Variants in REV3L observed in about 807,000 individuals in gnomAD.
The protein encoded by REV3L is DNA polymerase zeta catalytic subunit.
A neutral mutation model predicts 299.4 loss-of-function variants in REV3L; 69 were observed. That is an observed-to-expected ratio of 0.23 (90% confidence interval 0.19 to 0.28). The LOEUF is 0.28. Among genes scored for constraint, REV3L ranks in the 10% least tolerant of loss-of-function variants. The pLI, the probability that REV3L is intolerant of heterozygous loss-of-function variation, is 1.00. For synonymous variants in REV3L, 1,238 were observed against 1,271.4 expected (o/e 0.97, Z 0.56); for missense variants, 3,128 against 3,693.8 (o/e 0.85, Z 3.97).
rs1793948011 is a variant in REV3L at position 111,482,947 on chromosome 6, GGCGGCGGCTCCCTCCGCA to G, written c.-77_-60del. On this transcript the variant is annotated 5_prime_UTR_variant, in exon 1 of 32. Transcript: ENST00000368802. ...GCGACCCGGCAGCGGCAGCAGCAGC[GGCGGCGGCTCCCTCCGCA>G]GCGGCGGCGGCGCCCCCTCCCCTTC... The G allele has an allele frequency of 9.6e-6, 14 of 1,456,018 alleles. No individual in the cohort carries two copies. The highest frequency in any genetic ancestry group is 1.3e-5 in the Non-Finnish European group (14 of 1,111,434). 90.2% of individuals were successfully genotyped at this position (1,456,018 alleles called of 1,614,324 possible). A position where few individuals can be genotyped will look rare whatever the true frequency, so the allele number is the denominator to read the frequency against.
At chr6:111,370,353 T>C (rs1271291768) in intron 13 of REV3L, among the ~76,000 whole-genome samples, 1 of 152,128 alleles carries the variant, frequency 6.6e-6, no homozygotes, top group Non-Finnish European at 1.5e-5. Context: ...GCTCCAGCAG[T>C]GAAATAAAGA....
intron 1 of REV3L, among the ~76,000 whole-genome samples, chr6:111,433,041 C>T (rs749824579): frequency 2.4e-4 from 37 of 151,934 alleles, no homozygotes; most frequent in Non-Finnish European, 4.9e-4. Context: ...TGGGATACAG[C>T]AAAAGTGGTA....
Position 111,376,193 on chromosome 6 carries a change from G to A in REV3L, c.2162C>T (p.Ser721Phe). ...DLNHSKNKVS[S>F]EGNEKGNSTA... Reference sequence around the variant, plus strand: ...GCTGTTTCCTTTTTCATTTCCTTCAGAGGATACTTTATTTTTTGAATGATT... The same window carrying A: ...GCTGTTTCCTTTTTCATTTCCTTCAAAGGATACTTTATTTTTTGAATGATT... The change falls in exon 13 of 32, where the codon TCT becomes TTT. Residue 721 changes from serine (S) to phenylalanine (F), a missense_variant. Ser to Phe is a radical substitution (Grantham distance 155). This residue lies in a region of REV3L where 2,409 missense variants were observed against 2,611.8 expected (regional missense o/e 0.92). Coordinates refer to ENST00000368802, the MANE Select transcript of REV3L (RefSeq NM_001372078.1). The A allele has an allele frequency of 6.2e-7, 1 of 1,612,766 alleles. No homozygotes were observed. Among genetic ancestry groups the A allele is most frequent in the Non-Finnish European group, 8.5e-7 (1 of 1,179,834 alleles).
chr6:111,360,500 G>A lies in REV3L; in HGVS notation c.6880-1486C>T, dbSNP rs1180520424. The A allele has an allele frequency of 2.2e-5, 3 of 137,338 alleles. No individual in the cohort carries two copies. In the Admixed American group the frequency reaches 2.3e-4, roughly 11 times the overall value. The allele number at this position is 137,338 out of a possible 1,614,324, so 8.5% of individuals were successfully genotyped here. A position where few individuals can be genotyped will look rare whatever the true frequency, so the allele number is the denominator to read the frequency against. On this transcript the variant is annotated intron_variant, in intron 16 of 31. Coordinates refer to ENST00000368802, the MANE Select transcript of REV3L (RefSeq NM_001372078.1). Reference sequence around the variant, plus strand: ...TTTTTTTTTTTTTTTTTTAGACACAGGGTCTCTCTCTGTTGCCCAGGCTGG... The same window carrying A: ...TTTTTTTTTTTTTTTTTTAGACACAAGGTCTCTCTCTGTTGCCCAGGCTGG...
At position 111,373,546 on chromosome 6, in the gene REV3L, A is replaced by G. The variant is rs1375310379; in HGVS notation, c.4809T>C (p.Ser1603=). The G allele has an allele frequency of 6.2e-7, 1 of 1,613,434 alleles. No homozygotes were observed. Among genetic ancestry groups the G allele is most frequent in the Non-Finnish European group, 8.5e-7 (1 of 1,179,870 alleles). ...EKIPKLLKVD[S]LNLQNSSQLD... The stretch of plus-strand genomic sequence containing the variant: ...ACTGGCTAGAGTTTTGTAAATTTAA[A>G]GAGTCTACTTTGAGAAGTTTGGGGA... The change falls in exon 13 of 32, where the codon TCT becomes TCC. Residue 1603 remains serine (S), a synonymous_variant. Coordinates refer to ENST00000368802, the MANE Select transcript of REV3L (RefSeq NM_001372078.1).
chr6:111,482,281 G>A (rs1307785633), intron 1 of REV3L, among the ~76,000 whole-genome samples: 1 of 152,188 alleles, frequency 6.6e-6, no homozygotes, highest in Non-Finnish European at 1.5e-5. Flanking sequence ...CATGGGGAGC[G>A]ACTGACAACA....
chr6:111,341,618 G>C (rs771156259), intron 21 of REV3L, among the ~76,000 whole-genome samples: 6 of 152,176 alleles, frequency 3.9e-5, no homozygotes, highest in African/African-American at 1.4e-4. Context: ...ACACAGTGCA[G>C]TGTGCCACAG....
chr6:111,408,787 C>T (rs1382856292), intron 3 of REV3L, among the ~76,000 whole-genome samples: 2 of 152,146 alleles, frequency 1.3e-5, no homozygotes, highest in Non-Finnish European at 2.9e-5. Flanking sequence ...GGGGTTCAAA[C>T]GATTCTCCCA....
intron 21 of REV3L, among the ~76,000 whole-genome samples, chr6:111,337,222 G>C (rs765372075): frequency 8.6e-5 from 13 of 152,026 alleles, no homozygotes; most frequent in Admixed American, 4.6e-4. Context: ...GAAAGCCAGT[G>C]AATTATATAC....
In REV3L at chr6:111,373,775, A is replaced by C. The variant is rs747600579; in HGVS notation, c.4580T>G (p.Leu1527Arg). The C allele has an allele frequency of 2.5e-6, 4 of 1,614,140 alleles. No individual in the cohort carries two copies. In the South Asian group the frequency reaches 4.4e-5, roughly 18 times the overall value. The part of the protein sequence containing the change: ...PSAFGEGQSG[L>R]AVLKELLQKR... ...TTGTAACAATTCTTTTAGAACTGCC[A>C]GTCCAGACTGTCCTTCACCAAATGC... Residue 1527 changes from leucine to arginine, a missense_variant, in exon 13 of 32, where the codon CTG becomes CGG. By Grantham distance (102) the Leu-to-Arg change is moderately radical (BLOSUM62 -2). Coordinates refer to ENST00000368802, the MANE Select transcript of REV3L (RefSeq NM_001372078.1).
intron 11 of REV3L, among the ~76,000 whole-genome samples, chr6:111,378,734 T>A (rs1780549584): frequency 6.6e-6 from 1 of 152,216 alleles, no homozygotes. Flanking sequence ...TATTTTGTTC[T>A]CTGTAGCTAT....
Position 111,410,810 on chromosome 6 carries a change from A to G in REV3L, c.404+670T>C, listed in dbSNP as rs543531272. Among the ~76,000 whole-genome samples the G allele has an allele frequency of 2.0e-5, 3 of 152,276 alleles. No homozygotes were observed. The South Asian group carries it at 6.2e-4, about 32-fold the overall frequency. On this transcript the variant is annotated intron_variant, in intron 3 of 31. Coordinates refer to ENST00000368802, the MANE Select transcript of REV3L (RefSeq NM_001372078.1). ...AAAAAGTTACTTTTTGGAACCCAGTACCTACTAGCAGAGAGGACCTCCTGA... is the reference window on the plus strand; with the variant it reads ...AAAAAGTTACTTTTTGGAACCCAGTGCCTACTAGCAGAGAGGACCTCCTGA...
chr6:111,311,028 A>T, intron 29 of REV3L, 41 bp downstream of exon 29: 1 of 1,509,644 alleles, frequency 6.6e-7, no homozygotes, highest in Non-Finnish European at 8.9e-7. Context: ...CCTGTGCAGA[A>T]TCTCAGGACT....
At chr6:111,471,339 TAA>T (rs1292602934) in intron 1 of REV3L, among the ~76,000 whole-genome samples, 1 of 152,204 alleles carries the variant, frequency 6.6e-6, no homozygotes, top group East Asian at 1.9e-4. Context: ...GCCAAATTTT[TAA>T]AAAGTGTTTT....
At position 111,387,874 on chromosome 6, in the gene REV3L, C is replaced by T. The variant is rs1439128073; in HGVS notation, c.987G>A (p.Gln329=). The T allele has an allele frequency of 1.9e-6, 3 of 1,613,836 alleles. No individual in the cohort carries two copies. The East Asian group carries it at 6.7e-5, about 36-fold the overall frequency. Residue 329 remains glutamine (Q), a synonymous_variant, in exon 9 of 32, where the codon CAG becomes CAA. Transcript: ENST00000368802. Reference sequence around the variant, plus strand: ...GCAATGTTAACTCAGCAGAGAACTCCTGGGATCCATCGCTGTAGTCCACAG... The same window carrying T: ...GCAATGTTAACTCAGCAGAGAACTCTTGGGATCCATCGCTGTAGTCCACAG... ...SGSVDYSDGS[Q]EFSAELTLHS...
At chr6:111,388,184 T>C (rs1364268850) in intron 7 of REV3L, 99 bp from the exon 8 acceptor site, 2 of 747,180 alleles carry the variant, frequency 2.7e-6, no homozygotes, top group Non-Finnish European at 4.4e-6. Flanking sequence ...CAATTTCCTA[T>C]CTTTCTCTAG....
At chr6:111,408,324 T>A (rs775008908) in intron 3 of REV3L, among the ~76,000 whole-genome samples, 4 of 152,086 alleles carry the variant, frequency 2.6e-5, no homozygotes, top group Non-Finnish European at 5.9e-5. Context: ...ATTGAGGGGC[T>A]GGGCACGGTG....
At chr6:111,450,270 G>C (rs1369801186) in intron 1 of REV3L, among the ~76,000 whole-genome samples, 1 of 152,004 alleles carries the variant, frequency 6.6e-6, no homozygotes, top group African/African-American at 2.4e-5. Context: ...CTTGAGGCCA[G>C]GAGTTAGAGC....
rs10214701 is a variant in REV3L, at chr6:111,431,545, A to T, written c.140-15073T>A. On this transcript the variant is annotated intron_variant, in intron 1 of 31. Transcript: ENST00000368802. ...CAACACCAGACCCCCTCCCAACATG[A>T]TCTGTCTCTTGGGTCCCTCATACAG... 780 of 814,834 alleles carry T rather than the reference A, an allele frequency of 9.6e-4. 4 individuals carry two copies. The African/African-American group carries it at 0.012, about 13-fold the overall frequency. 50.5% of individuals were successfully genotyped at this position (814,834 alleles called of 1,614,324 possible).
Sources: allele counts gnomAD v4.1 joint callset (sites outside exome capture counted in the v4.1 genomes callset), GRCh38; gene constraint gnomAD v4.1.1; regional missense constraint gnomAD v4.1.1; transcripts MANE v1.5; gene names NCBI Gene and HGNC (gene_info 2026-07-23, HGNC 2026-07-21).